The following TMEM268 variants were observed in gnomAD, a reference collection of about 807,000 sequenced individuals.
The protein encoded by TMEM268 is transmembrane protein 268.
In TMEM268, 24 loss-of-function variants were observed where a neutral mutation model predicts 39.1. The ratio of observed to expected loss-of-function variants is 0.61; its 90% CI spans 0.44 to 0.86. The LOEUF (loss-of-function observed/expected upper bound fraction) is 0.86, where lower values mean the gene tolerates loss of function less well. TMEM268 is among the 40% of genes least tolerant of loss of function. The pLI is 0.00. For synonymous variants in TMEM268, 176 were observed against 173.5 expected (o/e 1.01, Z -0.12); for missense variants, 409 against 428.6 (o/e 0.95, Z 0.40).
At chr9:114,643,079 T>G in intron 8 of TMEM268, 55 bp from the exon 9 acceptor site, 1 of 1,574,090 alleles carries the variant, frequency 6.4e-7, no homozygotes, top group East Asian at 2.2e-5. Context: ...GCCTAAGCCC[T>G]TTTTCCTCAA....
chr9:114,614,205 G>C (rs761075672), intron 1 of TMEM268, among the ~76,000 whole-genome samples: 8 of 152,184 alleles, frequency 5.3e-5, no homozygotes, highest in Non-Finnish European at 1.2e-4. Flanking sequence ...AGTCTTCAAT[G>C]TTTTCATAGT....
chr9:114,615,863 G>A (rs1319715890), intron 1 of TMEM268, among the ~76,000 whole-genome samples: 4 of 151,308 alleles, frequency 2.6e-5, no homozygotes, highest in Non-Finnish European at 5.9e-5. Context: ...CCTAATTTTT[G>A]TATTTTTTAG....
chr9:114,622,113 G>T, intron 2 of TMEM268: 2 of 985,400 alleles, frequency 2.0e-6, no homozygotes, highest in Non-Finnish European at 2.4e-6. Flanking sequence ...GCAGGGCTTG[G>T]TGATACATTG....
At chr9:114,631,130 A>T (rs1471659558) in intron 5 of TMEM268, among the ~76,000 whole-genome samples, 1 of 152,064 alleles carries the variant, frequency 6.6e-6, no homozygotes, top group Non-Finnish European at 1.5e-5. Flanking sequence ...GCTAGGCAAC[A>T]TTGTGAGACT....
intron 4 of TMEM268, 37 bp downstream of exon 4, chr9:114,627,043 G>T: frequency 1.4e-6 from 2 of 1,431,512 alleles, no homozygotes; most frequent in South Asian, 2.3e-5. Flanking sequence ...ACCCTGCCCT[G>T]ACAGCTTATG....
intron 1 of TMEM268, among the ~76,000 whole-genome samples, chr9:114,612,713 T>C (rs1845552749): frequency 6.6e-6 from 1 of 152,152 alleles, no homozygotes; most frequent in South Asian, 2.1e-4. Flanking sequence ...AGGAGCCTCC[T>C]TCCTCCAGGA....
upstream of TMEM268, among the ~76,000 whole-genome samples, chr9:114,606,509 G>T (rs570870103): frequency 2.0e-5 from 3 of 152,320 alleles, no homozygotes; most frequent in East Asian, 5.8e-4. Flanking sequence ...CATTCTGTGG[G>T]ACACACTTTC....
intron 2 of TMEM268, among the ~76,000 whole-genome samples, chr9:114,620,894 C>T (rs1564287459): frequency 6.6e-6 from 1 of 151,030 alleles, no homozygotes; most frequent in Non-Finnish European, 1.5e-5. Context: ...TTTCACCACT[C>T]ACCACCTCGC....
chr9:114,628,901 G>A (rs1030767759), intron 5 of TMEM268, among the ~76,000 whole-genome samples: 6 of 152,186 alleles, frequency 3.9e-5, no homozygotes, highest in Admixed American at 1.3e-4. Context: ...TGTCTCTTCA[G>A]TGTCTGTCTT....
intron 8 of TMEM268, among the ~76,000 whole-genome samples, chr9:114,642,721 T>C (rs1402626189): frequency 6.6e-6 from 1 of 152,198 alleles, no homozygotes; most frequent in African/African-American, 2.4e-5. Context: ...CCTCAAGTGA[T>C]CTTCCTACCT....
At chr9:114,640,879 C>G (rs572568728) in intron 8 of TMEM268, among the ~76,000 whole-genome samples, 33 of 151,250 alleles carry the variant, frequency 2.2e-4, no homozygotes, top group Non-Finnish European at 4.1e-4. Flanking sequence ...CTCTCTCTCT[C>G]TCTTTTTTTT....
Position 114,645,814 on chromosome 9 carries a change from A to G in TMEM268, c.*2501A>G, listed in dbSNP as rs746207217. The stretch of plus-strand genomic sequence containing the variant: ...TGGGTGGGGCTTTCAGGGTATGCCC[A>G]CAATGTACATTTCTCGGCATCTGTG... On this transcript the variant is annotated 3_prime_UTR_variant, in exon 9 of 9. Coordinates refer to ENST00000288502, the MANE Select transcript of TMEM268 (RefSeq NM_153045.4). The G allele has an allele frequency of 6.6e-6, 1 of 152,262 alleles. No homozygotes were observed. Among genetic ancestry groups the G allele is most frequent in the Non-Finnish European group, 1.5e-5 (1 of 68,040 alleles). The allele number at this position is 152,262 out of a possible 1,614,324, so 9.4% of individuals were successfully genotyped here. A position where few individuals can be genotyped will look rare whatever the true frequency, so the allele number is the denominator to read the frequency against.
At chr9:114,619,565 G>A (rs111889901) in intron 2 of TMEM268, among the ~76,000 whole-genome samples, 5 of 152,220 alleles carry the variant, frequency 3.3e-5, no homozygotes, top group African/African-American at 1.2e-4. Context: ...TCCATGCGTG[G>A]AGTCCAAATC....
intron 8 of TMEM268, 107 bp from the exon 9 acceptor site, chr9:114,643,027 G>C: frequency 8.5e-7 from 1 of 1,174,166 alleles, no homozygotes; most frequent in Non-Finnish European, 1.2e-6. Context: ...GAGCATCACT[G>C]CTGGGTCCAG....
At chr9:114,621,761 G>A (rs991297599) in intron 2 of TMEM268, among the ~76,000 whole-genome samples, 5 of 152,134 alleles carry the variant, frequency 3.3e-5, no homozygotes, top group African/African-American at 9.7e-5. Context: ...GCCCTGGGGT[G>A]GGGGAGAACA....
At chr9:114,629,302 C>T (rs1172851651) in intron 5 of TMEM268, among the ~76,000 whole-genome samples, 1 of 152,268 alleles carries the variant, frequency 6.6e-6, no homozygotes, top group Admixed American at 6.5e-5. Context: ...CTGCTTCCTT[C>T]TGAAGGCTCT....
At position 114,617,133 on chromosome 9, in the gene TMEM268, C is replaced by A; in HGVS notation, c.-63C>A. 9.0e-7 allele frequency: 1 copy of A among 1,105,988 alleles called. No homozygotes were observed. The highest frequency in any genetic ancestry group is 1.4e-5 in the South Asian group (1 of 71,244). The allele number at this position is 1,105,988 out of a possible 1,614,324, so 68.5% of individuals were successfully genotyped here. On this transcript the variant is annotated 5_prime_UTR_variant, in exon 2 of 9. In the 5' UTR this introduces an upstream ATG that the reference lacks. Transcript: ENST00000288502. Reference sequence around the variant, plus strand: ...TTTTCTGAAGGCATATGATGCTGAGCTGGCTGCTCCAGAATGAACCACAGC... The same window carrying A: ...TTTTCTGAAGGCATATGATGCTGAGATGGCTGCTCCAGAATGAACCACAGC...
intron 1 of TMEM268, among the ~76,000 whole-genome samples, chr9:114,614,203 A>G (rs1020363886): frequency 1.3e-5 from 2 of 152,210 alleles, no homozygotes; most frequent in African/African-American, 2.4e-5. Flanking sequence ...AAAGTCTTCA[A>G]TGTTTTCATA....
chr9:114,623,784 A>G (rs776554018), intron 2 of TMEM268, among the ~76,000 whole-genome samples: 7 of 152,034 alleles, frequency 4.6e-5, no homozygotes, highest in Non-Finnish European at 8.8e-5. Context: ...AAGGCCAGCT[A>G]ATGAGCCCCC....
Sources: gnomAD v4.1 joint callset for allele counts (sites outside exome capture counted in the v4.1 genomes callset) on GRCh38, gnomAD v4.1.1 for gene constraint, MANE v1.5 for transcripts, NCBI Gene and HGNC (gene_info 2026-07-23, HGNC 2026-07-21) for gene names.